The following ATP10B variants were observed in gnomAD, a reference collection of about 807,000 sequenced individuals.
ATP10B encodes phospholipid-transporting ATPase VB.
Under a neutral mutation model 141.2 loss-of-function variants are expected in ATP10B, and 122 were observed. That is an observed-to-expected ratio of 0.86 (90% CI 0.75 to 1.00). The LOEUF is 1.00. Among genes scored for constraint, ATP10B ranks in the 50% least tolerant of loss-of-function variants. The pLI is 0.00. For synonymous variants in ATP10B, 685 were observed against 692.0 expected (o/e 0.99, Z 0.16); for missense variants, 1,876 against 1,825.3 (o/e 1.03, Z -0.51).
intron 24 of ATP10B, among the ~76,000 whole-genome samples, chr5:160,589,189 T>A (rs1417157054): frequency 6.6e-6 from 1 of 152,090 alleles, no homozygotes; most frequent in Admixed American, 6.5e-5. Flanking sequence ...TTTTTTTATT[T>A]TTAGTAGAGA....
At chr5:160,912,178 C>A in the ATP10B span, among the ~76,000 whole-genome samples, 2 of 151,604 alleles carry the variant, frequency 1.3e-5, no homozygotes, top group Non-Finnish European at 2.9e-5. Context: ...ATGAGTAGAT[C>A]TAAATAAAGA....
At chr5:160,654,398 C>G (rs984408382) in intron 7 of ATP10B, among the ~76,000 whole-genome samples, 1 of 152,136 alleles carries the variant, frequency 6.6e-6, no homozygotes, top group African/African-American at 2.4e-5. Context: ...CTTGACCCAG[C>G]CTTTTATCTA....
Position 160,795,389 on chromosome 5 carries a change from C to T in ATP10B, c.-575-9586G>A, listed in dbSNP as rs75258018. The stretch of plus-strand genomic sequence containing the variant: ...GACTCAGATTGGTGTCTACTGTACT[C>T]TCTTGGGTAAGTCATTTCCCATCTC... On this transcript the variant is annotated intron_variant, in intron 1 of 25. Transcript: ENST00000327245. Among the ~76,000 whole-genome samples, 869 of 152,216 alleles carry T rather than the reference C, an allele frequency of 5.7e-3. 2 individuals carry two copies. The highest frequency in any genetic ancestry group is 1.0e-2 in the Non-Finnish European group (679 of 68,008).
intron 24 of ATP10B, among the ~76,000 whole-genome samples, chr5:160,587,670 T>C (rs370838468): frequency 6.6e-6 from 1 of 152,220 alleles, no homozygotes; most frequent in Non-Finnish European, 1.5e-5. Context: ...TATTCCTAGG[T>C]ATTTTATTCT....
intron 22 of ATP10B, among the ~76,000 whole-genome samples, chr5:160,592,060 C>T (rs1240169039): frequency 6.6e-6 from 1 of 152,208 alleles, no homozygotes; most frequent in Non-Finnish European, 1.5e-5. Flanking sequence ...GCTGGGAGTG[C>T]ATGCTGTCTG....
upstream of ATP10B, among the ~76,000 whole-genome samples, chr5:160,854,980 T>C (rs1716364604): frequency 6.6e-6 from 1 of 152,166 alleles, no homozygotes; most frequent in South Asian, 2.1e-4. Flanking sequence ...CTACAGATTG[T>C]TTAACCATTC....
chr5:160,645,393 T>A (rs1397064062), intron 8 of ATP10B, among the ~76,000 whole-genome samples: 2 of 152,108 alleles, frequency 1.3e-5, no homozygotes, highest in Admixed American at 1.3e-4. Context: ...AATGGTAAAG[T>A]AAGGAAGGGC....
chr5:160,811,311 A>G (rs992062418), intron 1 of ATP10B, among the ~76,000 whole-genome samples: 2 of 152,172 alleles, frequency 1.3e-5, no homozygotes, highest in Non-Finnish European at 2.9e-5. Flanking sequence ...GGAAAGTAAT[A>G]GGACTTTATC....
chr5:160,718,355 C>G (rs1765779592), intron 2 of ATP10B, among the ~76,000 whole-genome samples: 1 of 152,120 alleles, frequency 6.6e-6, no homozygotes, highest in South Asian at 2.1e-4. Flanking sequence ...CAGATTTGGG[C>G]CCCAGTTCTG....
intron 13 of ATP10B, among the ~76,000 whole-genome samples, chr5:160,623,795 C>T (rs1226631591): frequency 3.3e-5 from 5 of 152,298 alleles, no homozygotes; most frequent in African/African-American, 9.6e-5. Flanking sequence ...GTGGCAATGG[C>T]AGTGGTGGTG....
chr5:160,716,248 A>G (rs879580194), intron 3 of ATP10B, among the ~76,000 whole-genome samples: 1 of 152,220 alleles, frequency 6.6e-6, no homozygotes, highest in Non-Finnish European at 1.5e-5. Flanking sequence ...AAATTATACT[A>G]TATCTCATGA....
chr5:160,715,767 A>C (rs1309754845), intron 3 of ATP10B, among the ~76,000 whole-genome samples: 1 of 151,196 alleles, frequency 6.6e-6, no homozygotes, highest in Non-Finnish European at 1.5e-5. Context: ...GCTGGAGTGC[A>C]GTGGTGTGGT....
chr5:160,606,954 C>T lies in ATP10B; in HGVS notation c.2971G>A (p.Val991Ile). Residue 991 changes from valine to isoleucine, a missense_variant, in exon 19 of 26, where the codon GTT becomes ATT. By Grantham distance (29) the Val-to-Ile change is conservative (BLOSUM62 3). Transcript: ENST00000327245. The part of the protein sequence containing the change: ...KTPSITSEAV[V>I]PEAGLVIDGK... ...TCGATGACCAATCCAGCTTCTGGAA[C>T]CACAGCTTCTGAGGTGATGGATGGT... 6.2e-7 allele frequency: 1 copy of T among 1,614,198 alleles called. No homozygotes were observed. Among genetic ancestry groups the T allele is most frequent in the Non-Finnish European group, 8.5e-7 (1 of 1,180,018 alleles).
chr5:160,791,936 C>CTA (rs1257595698), intron 1 of ATP10B, among the ~76,000 whole-genome samples: 8 of 152,112 alleles, frequency 5.3e-5, no homozygotes, highest in African/African-American at 1.9e-4. Context: ...GAAAATGACT[C>CTA]TAGCTGGGAT....
chr5:160,717,660 TTG>T (rs1765742077), intron 2 of ATP10B, among the ~76,000 whole-genome samples: 1 of 152,202 alleles, frequency 6.6e-6, no homozygotes, highest in South Asian at 2.1e-4. Context: ...GCTAAAACTA[TTG>T]TTATTCCCAT....
At chr5:160,700,929 T>A (rs1369708487) in intron 3 of ATP10B, among the ~76,000 whole-genome samples, 1 of 152,122 alleles carries the variant, frequency 6.6e-6, no homozygotes, top group Non-Finnish European at 1.5e-5. Flanking sequence ...ACCCTTTCGG[T>A]TGCCCAAGAC....
At chr5:160,607,978 T>C (rs1757489176) in intron 18 of ATP10B, among the ~76,000 whole-genome samples, 3 of 152,218 alleles carry the variant, frequency 2.0e-5, no homozygotes, top group Admixed American at 2.0e-4. Flanking sequence ...GTGCACAACG[T>C]GCAGGTTTGT....
chr5:160,682,764 G>T (rs1763489252), intron 6 of ATP10B, among the ~76,000 whole-genome samples: 1 of 152,116 alleles, frequency 6.6e-6, no homozygotes, highest in Non-Finnish European at 1.5e-5. Flanking sequence ...TCTCGGCCGG[G>T]CGCGGTGGCT....
chr5:160,749,808 G>A (rs929720628), intron 2 of ATP10B, among the ~76,000 whole-genome samples: 3 of 151,598 alleles, frequency 2.0e-5, no homozygotes, highest in Non-Finnish European at 4.4e-5. Flanking sequence ...ATCACAGGAG[G>A]GATCCTTTTG....
Sources: allele counts gnomAD v4.1 joint callset (sites outside exome capture counted in the v4.1 genomes callset), GRCh38; gene constraint gnomAD v4.1.1; transcripts MANE v1.5; gene names NCBI Gene and HGNC (gene_info 2026-07-23, HGNC 2026-07-21).